Variants in IQCM observed in about 807,000 individuals in gnomAD.
The protein encoded by IQCM is IQ domain-containing protein M.
IQCM carries 45 observed loss-of-function variants against 57.6 expected under a neutral mutation model. That is an observed-to-expected ratio of 0.78 (90% CI 0.62 to 1.00). The LOEUF (loss-of-function observed/expected upper bound fraction) is 1.00, where lower values mean the gene tolerates loss of function less well. Ranked by LOEUF, IQCM falls within the 50% of genes least tolerant of loss-of-function variation. The probability of loss-of-function intolerance (pLI) is 0.00; values close to 1 mark genes in which losing one functional copy is unlikely to be tolerated. For missense variants in IQCM, 468 were observed against 511.6 expected (o/e 0.91, Z 0.82); for synonymous variants, 148 against 158.9 (o/e 0.93, Z 0.51).
chr4:149,713,425 T>G (rs946558537), intron 5 of IQCM, among the ~76,000 whole-genome samples: 16 of 152,308 alleles, frequency 1.1e-4, no homozygotes, highest in Admixed American at 9.2e-4. Context: ...GTGTTTGTAC[T>G]CTGCATAATT....
chr4:149,492,336 C>A (rs1246692133), intron 12 of IQCM, among the ~76,000 whole-genome samples: 1 of 152,000 alleles, frequency 6.6e-6, no homozygotes, highest in East Asian at 1.9e-4. Flanking sequence ...AAGATTATGA[C>A]CTAAAACATT....
intron 8 of IQCM, among the ~76,000 whole-genome samples, chr4:149,617,892 G>A (rs1190181031): frequency 6.6e-6 from 1 of 152,104 alleles, no homozygotes; most frequent in East Asian, 1.9e-4. Context: ...CCAGTCTCAT[G>A]AATTGGAAGG....
At chr4:149,429,957 C>A in intron 13 of IQCM, 2 of 1,200,836 alleles carry the variant, frequency 1.7e-6, no homozygotes, top group Non-Finnish European at 2.1e-6. Context: ...TTTATTTTAA[C>A]AAAGTGCAAA....
At chr4:149,552,211 C>A (rs576900444) in intron 11 of IQCM, among the ~76,000 whole-genome samples, 1 of 152,252 alleles carries the variant, frequency 6.6e-6, no homozygotes, top group Admixed American at 6.5e-5. Context: ...TTGAGCCCTT[C>A]TTATAAACCA....
intron 12 of IQCM, among the ~76,000 whole-genome samples, chr4:149,468,417 G>C (rs1044855460): frequency 2.0e-5 from 3 of 152,182 alleles, no homozygotes; most frequent in Non-Finnish European, 2.9e-5. Flanking sequence ...AGGCAGCAGC[G>C]AGGCTGGGGG....
chr4:149,743,014 G>C (rs1264052337), intron 2 of IQCM, among the ~76,000 whole-genome samples: 1 of 152,076 alleles, frequency 6.6e-6, no homozygotes, highest in Non-Finnish European at 1.5e-5. Flanking sequence ...GGCAGATGTG[G>C]AAATTGGAGC....
chr4:149,428,051 A>G (rs1162389102), intron 13 of IQCM, among the ~76,000 whole-genome samples: 6 of 151,936 alleles, frequency 3.9e-5, no homozygotes, highest in Non-Finnish European at 7.4e-5. Context: ...TCGAGCAGAT[A>G]TAAATGATAT....
At chr4:149,693,497 C>A (rs1420967637) in intron 5 of IQCM, among the ~76,000 whole-genome samples, 1 of 152,132 alleles carries the variant, frequency 6.6e-6, no homozygotes, top group Non-Finnish European at 1.5e-5. Context: ...GTCATTAAAT[C>A]CCTTCCATCC....
At chr4:149,501,496 G>T (rs1019474799) in intron 12 of IQCM, among the ~76,000 whole-genome samples, 2 of 152,010 alleles carry the variant, frequency 1.3e-5, no homozygotes, top group African/African-American at 4.8e-5. Context: ...GTAACATGAA[G>T]GGCCTGCTCA....
chr4:149,498,143 G>A (rs940766822), intron 12 of IQCM, among the ~76,000 whole-genome samples: 3 of 152,116 alleles, frequency 2.0e-5, no homozygotes, highest in African/African-American at 7.2e-5. Context: ...CTGGAGCAGC[G>A]ACTGAGTGAG....
intron 2 of IQCM, among the ~76,000 whole-genome samples, chr4:149,799,002 A>G (rs1773365343): frequency 6.6e-6 from 1 of 151,588 alleles, no homozygotes; most frequent in Admixed American, 6.6e-5. Context: ...TATTTACAGA[A>G]TATTTCATCC....
At chr4:149,617,514 C>A (rs1421932444) in intron 8 of IQCM, among the ~76,000 whole-genome samples, 1 of 152,020 alleles carries the variant, frequency 6.6e-6, no homozygotes, top group African/African-American at 2.4e-5. Flanking sequence ...AGATATAAAC[C>A]TTTATTACCT....
At chr4:149,482,033 G>A (rs1428580126) in intron 12 of IQCM, among the ~76,000 whole-genome samples, 1 of 151,166 alleles carries the variant, frequency 6.6e-6, no homozygotes, top group Non-Finnish European at 1.5e-5. Context: ...TTAATTTTAT[G>A]TGTGGCTATT....
intron 12 of IQCM, among the ~76,000 whole-genome samples, chr4:149,439,972 T>C (rs981018365): frequency 6.6e-6 from 1 of 151,760 alleles, no homozygotes; most frequent in Non-Finnish European, 1.5e-5. Flanking sequence ...TTTTTTTTTT[T>C]TTGAGACAGA....
chr4:149,528,460 C>T (rs1405143714), intron 12 of IQCM, among the ~76,000 whole-genome samples: 1 of 152,104 alleles, frequency 6.6e-6, no homozygotes, highest in Non-Finnish European at 1.5e-5. Flanking sequence ...GTATTATGCA[C>T]CCATGACTAT....
chr4:149,473,671 C>T (rs1359166275), intron 12 of IQCM, among the ~76,000 whole-genome samples: 1 of 152,182 alleles, frequency 6.6e-6, no homozygotes, highest in Non-Finnish European at 1.5e-5. Flanking sequence ...AAGACACATG[C>T]ACATGTACGT....
chr4:149,662,174 T>C (rs1385588016), intron 7 of IQCM, among the ~76,000 whole-genome samples: 1 of 152,084 alleles, frequency 6.6e-6, no homozygotes, highest in Non-Finnish European at 1.5e-5. Context: ...ATTTTTATAT[T>C]TCCCTTTTAA....
chr4:149,405,555 T>C (rs1157461083), intron 13 of IQCM, among the ~76,000 whole-genome samples: 3 of 148,684 alleles, frequency 2.0e-5, no homozygotes, highest in South Asian at 4.2e-4. Context: ...ACTTAAAGTA[T>C]AATAAAAAAA....
intron 12 of IQCM, among the ~76,000 whole-genome samples, chr4:149,447,486 AC>A (rs749239352): frequency 1.5e-4 from 22 of 151,664 alleles, no homozygotes; most frequent in Non-Finnish European, 1.9e-4. Context: ...TAGAAATGAA[AC>A]ATACAAATCT....
Sources: allele counts gnomAD v4.1 joint callset (sites outside exome capture counted in the v4.1 genomes callset), GRCh38; gene constraint gnomAD v4.1.1; transcripts MANE v1.5; gene names NCBI Gene and HGNC (gene_info 2026-07-23, HGNC 2026-07-21).